The following EFHC1 variants were observed in gnomAD, a reference collection of about 807,000 sequenced individuals.
EFHC1 encodes the protein EF-hand domain containing 1, also known as EF-hand domain-containing protein 1.
Under a neutral mutation model 69.9 loss-of-function variants are expected in EFHC1, and 53 were observed. The ratio of observed to expected loss-of-function variants is 0.76; its 90% confidence interval spans 0.61 to 0.95. The LOEUF (loss-of-function observed/expected upper bound fraction) is 0.95. Ranked by LOEUF, EFHC1 falls within the 40% of genes least tolerant of loss-of-function variation. EFHC1 has a pLI of 0.00. For synonymous variants in EFHC1, 256 were observed against 278.4 expected, an observed-to-expected ratio of 0.92 and a Z score of 0.80; for missense variants, 739 against 798.7, an observed-to-expected ratio of 0.93 and a Z score of 0.90.
chr6:52,482,925 T>C, intron 9 of EFHC1: 1 of 398,446 alleles, frequency 2.5e-6, no homozygotes, highest in East Asian at 3.6e-5. Context: ...TTGCTGTACT[T>C]TCATCCTTAT....
At chr6:52,466,982 T>C (rs1263781400) in intron 6 of EFHC1, among the ~76,000 whole-genome samples, 1 of 152,144 alleles carries the variant, frequency 6.6e-6, no homozygotes, top group African/African-American at 2.4e-5. Context: ...AGAATTATGA[T>C]AAACTCTCTG....
rs917072441 is a variant in EFHC1 at position 52,495,953 on chromosome 6, A to C, written c.*3612A>C. ...ACTCGCTGCTCACCTGTTTATACAA[A>C]GCAGCAAGTATAGGAGCCACAAACG... is the stretch of plus-strand genomic sequence containing the variant. On this transcript the variant is annotated 3_prime_UTR_variant, in exon 11 of 11. Coordinates refer to ENST00000371068, the MANE Select transcript of EFHC1 (RefSeq NM_018100.4). 11 of 248,382 alleles carry C rather than the reference A, an allele frequency of 4.4e-5. No homozygotes were observed. The highest frequency in any genetic ancestry group is 7.9e-5 in the Non-Finnish European group (10 of 126,240). The allele number at this position is 248,382 out of a possible 1,614,324, so 15.4% of individuals were successfully genotyped here. A position where few individuals can be genotyped will look rare whatever the true frequency, so the allele number is the denominator to read the frequency against.
chr6:52,464,396 G>C (rs779095806), intron 5 of EFHC1, among the ~76,000 whole-genome samples: 2 of 152,124 alleles, frequency 1.3e-5, no homozygotes, highest in Admixed American at 6.5e-5. Context: ...TCCCCAAAGA[G>C]AATATTTTCT....
chr6:52,479,379 T>C, intron 8 of EFHC1, 129 bp downstream of exon 8: 2 of 1,086,496 alleles, frequency 1.8e-6, no homozygotes, highest in Admixed American at 3.9e-5. Flanking sequence ...ACTATCCTTG[T>C]ATATATGGTA....
At chr6:52,445,859 G>C (rs28829022) in intron 3 of EFHC1, among the ~76,000 whole-genome samples, 14,906 of 152,208 alleles carry the variant, frequency 0.098, 822 homozygotes, top group Middle Eastern at 0.24. Flanking sequence ...TTTCCATGTA[G>C]TTGAGTGGTT....
chr6:52,444,502 C>T (rs1253753584), intron 3 of EFHC1, among the ~76,000 whole-genome samples: 1 of 152,112 alleles, frequency 6.6e-6, no homozygotes, highest in South Asian at 2.1e-4. Flanking sequence ...GCATGAAGGA[C>T]TGTTGAATTT....
chr6:52,479,611 A>T, intron 8 of EFHC1, 29 bp from the exon 9 acceptor site: 1 of 1,614,192 alleles, frequency 6.2e-7, no homozygotes, highest in Non-Finnish European at 8.5e-7. Flanking sequence ...AACATCACCA[A>T]GCTAAGTGTG....
rs148498223 is a variant in EFHC1, at chr6:52,460,550, A to G, written c.917-4345A>G. 2.1e-3 allele frequency among the ~76,000 whole-genome samples: 326 copies of G among 152,326 alleles called. 3 individuals carry two copies. Among genetic ancestry groups the G allele is most frequent in the African/African-American group, 7.6e-3 (317 of 41,566 alleles). On this transcript the variant is annotated intron_variant, in intron 5 of 10. Transcript: ENST00000371068. ...TACACCTCAGTAAAGTTGTAAAAAT[A>G]TAAATTCCTATCTAGATATGTCATA...
At chr6:52,438,099 A>T (rs1030761351) in intron 2 of EFHC1, among the ~76,000 whole-genome samples, 2 of 152,078 alleles carry the variant, frequency 1.3e-5, no homozygotes, top group Admixed American at 6.5e-5. Context: ...TGCAGGTCAT[A>T]AAAAAAACAG....
intron 6 of EFHC1, 92 bp from the exon 7 acceptor site, chr6:52,469,241 C>G: frequency 1.3e-6 from 2 of 1,485,142 alleles, no homozygotes; most frequent in Non-Finnish European, 9.3e-7. Context: ...TAAGTATTTT[C>G]TAGAGTTTTT....
Position 52,479,128 on chromosome 6 carries a change from G to T in EFHC1, c.1370G>T (p.Arg457Leu), listed in dbSNP as rs369468811. 210 of 1,613,906 alleles carry T rather than the reference G, an allele frequency of 1.3e-4. No individual in the cohort carries two copies. The highest frequency in any genetic ancestry group is 1.2e-3 in the Middle Eastern group (7 of 6,080). The change falls in exon 8 of 11, where the codon CGC becomes CTC. Residue 457 changes from arginine (R) to leucine (L), a missense_variant. Transcript: ENST00000371068. ...DMISIFEPPV[R>L]NSGIIGGKYL... is the part of the protein sequence containing the mutation. ...ATCAGTATCTTTGAGCCTCCTGTTC[G>T]CAATTCTGGTATCATTGGGGGCAAG...
At chr6:52,420,679 C>T (rs1416111410) in intron 1 of EFHC1, among the ~76,000 whole-genome samples, 1 of 152,144 alleles carries the variant, frequency 6.6e-6, no homozygotes, top group Non-Finnish European at 1.5e-5. Context: ...ATCCTTTGCC[C>T]TCCGCCTCAT....
At chr6:52,482,887 A>G in intron 9 of EFHC1, 2 of 398,546 alleles carry the variant, frequency 5.0e-6, no homozygotes, top group Non-Finnish European at 8.8e-6. Context: ...CTCTATTTAT[A>G]TTTGACTTGA....
chr6:52,457,653 A>G (rs1305347300), intron 5 of EFHC1, among the ~76,000 whole-genome samples: 1 of 152,204 alleles, frequency 6.6e-6, no homozygotes, highest in Admixed American at 6.5e-5. Flanking sequence ...AATAGGTGGC[A>G]GGTAATATCA....
intron 10 of EFHC1, among the ~76,000 whole-genome samples, chr6:52,491,721 A>G (rs1436827451): frequency 1.3e-5 from 2 of 152,234 alleles, no homozygotes; most frequent in Non-Finnish European, 2.9e-5. Context: ...TTTTAAAGGA[A>G]GGGAAAGAAG....
chr6:52,492,666 G>C lies in EFHC1; in HGVS notation c.*325G>C, dbSNP rs1765934617. 2 of 463,356 alleles carry C rather than the reference G, an allele frequency of 4.3e-6. No individual in the cohort carries two copies. The highest frequency in any genetic ancestry group is 2.0e-5 in the African/African-American group (1 of 50,236). The allele number at this position is 463,356 out of a possible 1,614,324, so 28.7% of individuals were successfully genotyped here. A position where few individuals can be genotyped will look rare whatever the true frequency, so the allele number is the denominator to read the frequency against. On this transcript the variant is annotated 3_prime_UTR_variant, in exon 11 of 11. Transcript: ENST00000371068. ...ATCTCACTCTGTCATACAGGCTGGA[G>C]TGTGGTGGCACTATCCTAGTTCTAT...
chr6:52,490,510 T>C, intron 10 of EFHC1, 160 bp downstream of exon 10: 2 of 659,432 alleles, frequency 3.0e-6, no homozygotes, highest in Non-Finnish European at 5.3e-6. Context: ...CCGTTGATTC[T>C]AGCATTGGTA....
intron 2 of EFHC1, among the ~76,000 whole-genome samples, chr6:52,433,840 A>G (rs2113975082): frequency 6.6e-6 from 1 of 152,212 alleles, no homozygotes; most frequent in South Asian, 2.1e-4. Flanking sequence ...CTCCTTGGGC[A>G]GGTCTTGCTG....
At chr6:52,460,957 A>G (rs1426823368) in intron 5 of EFHC1, among the ~76,000 whole-genome samples, 1 of 152,244 alleles carries the variant, frequency 6.6e-6, no homozygotes, top group African/African-American at 2.4e-5. Context: ...TAACTATACA[A>G]ATTAAAAGAA....
Sources: allele counts gnomAD v4.1 joint callset (sites outside exome capture counted in the v4.1 genomes callset), GRCh38; gene constraint gnomAD v4.1.1; transcripts MANE v1.5; gene names NCBI Gene and HGNC (gene_info 2026-07-23, HGNC 2026-07-21).